NEURL4: variants seen among roughly 807,000 people sequenced by gnomAD.
NEURL4 encodes the protein neuralized-like protein 4.
In NEURL4, 45 loss-of-function variants were observed where a neutral mutation model predicts 148.0. The observed-to-expected ratio is 0.30, with a 90% CI of 0.24 to 0.39. The LOEUF (loss-of-function observed/expected upper bound fraction) is 0.39. Ranked by LOEUF, NEURL4 falls within the 10% of genes least tolerant of loss-of-function variation. The pLI is 1.00. For synonymous variants in NEURL4, 854 were observed against 869.0 expected (o/e 0.98, Z 0.30); for missense variants, 1,776 against 2,144.0 (o/e 0.83, Z 3.39).
intron 28 of NEURL4, 92 bp from the exon 29 acceptor site, chr17:7,316,419 C>T: frequency 9.9e-7 from 1 of 1,014,328 alleles, no homozygotes; most frequent in Non-Finnish European, 1.5e-6. Context: ...CCTTGCTGTA[C>T]CTAGGAAATA....
In NEURL4 at chr17:7,323,931, G is replaced by C. The variant is rs1040359710; in HGVS notation, c.2144C>G (p.Ser715Cys). Residue 715 changes from serine to cysteine, a missense_variant, in exon 12 of 29, where the codon TCT becomes TGT. Coordinates refer to ENST00000399464, the MANE Select transcript of NEURL4 (RefSeq NM_032442.3). ...GTGCAGCTGATGGAAGCGCAGGTCA[G>C]AGCCCCCGGCCCCTGAGGACGGAGA... ...PSSPSSGAGG[S>C]DLRFHQLHGS... is the part of the protein sequence containing the mutation. The C allele has an allele frequency of 6.2e-7, 1 of 1,613,614 alleles. No individual in the cohort carries two copies. Among genetic ancestry groups the C allele is most frequent in the Non-Finnish European group, 8.5e-7 (1 of 1,180,032 alleles).
Position 7,323,670 on chromosome 17 carries a change from C to T in NEURL4, c.2315G>A (p.Arg772His), listed in dbSNP as rs374989269. ...FEIVIQKMVD[R>H]WSGSIEAGVT... ...ACCAGCCTCAATGGAGCCTGACCAG[C>T]GGTCCACCATCTTCTGAATGACAAT... The change falls in exon 13 of 29, where the codon CGC (arginine) becomes CAC (histidine). Residue 772 changes from arginine to histidine, a missense_variant. Coordinates refer to ENST00000399464, the MANE Select transcript of NEURL4 (RefSeq NM_032442.3). The T allele has an allele frequency of 1.1e-5, 17 of 1,613,458 alleles. No individual in the cohort carries two copies. The highest frequency in any genetic ancestry group is 2.2e-5 in the East Asian group (1 of 44,854).
chr17:7,319,294 TC>T, intron 21 of NEURL4, 86 bp from the exon 22 acceptor site: 1 of 1,165,886 alleles, frequency 8.6e-7, no homozygotes, highest in South Asian at 1.7e-5. Flanking sequence ...ATACTGCACC[TC>T]CCAGAATGTG....
Position 7,326,431 on chromosome 17 carries a change from T to C in NEURL4, c.1204+6A>G, listed in dbSNP as rs1381873963. The C allele has an allele frequency of 6.2e-7, 1 of 1,613,896 alleles. No homozygotes were observed. The highest frequency in any genetic ancestry group is 8.5e-7 in the Non-Finnish European group (1 of 1,179,788). Reference sequence around the variant, plus strand: ...CTGCACCCCCGCCCCTGCCCGGGGCTGGTACCTGACTGGAGGTTGGTCATG... The same window carrying C: ...CTGCACCCCCGCCCCTGCCCGGGGCCGGTACCTGACTGGAGGTTGGTCATG... On this transcript the variant is annotated splice_donor_region_variant and intron_variant, in intron 5 of 28. Coordinates refer to ENST00000399464, the MANE Select transcript of NEURL4 (RefSeq NM_032442.3). This position sits in a 1 kb window ranked among gnomAD's most constrained non-coding sequence, Gnocchi z 6.0.
Position 7,322,850 on chromosome 17 carries a change from G to A in NEURL4, c.2610C>T (p.Val870=), listed in dbSNP as rs565659706. Residue 870 remains valine (V), a synonymous_variant, in exon 16 of 29, where the codon GTC becomes GTT. Coordinates refer to ENST00000399464, the MANE Select transcript of NEURL4 (RefSeq NM_032442.3). The surrounding 1 kb of genome is among the most constrained non-coding windows in gnomAD (Gnocchi z 5.5). The stretch of plus-strand genomic sequence containing the variant: ...CTTGGACACACTGGCCATAGAGATC[G>A]ACTACCGCATACACCTCTGGGGAGG... ...LPPGKEVYAV[V]DLYGQCVQVS... is the part of the protein sequence containing the mutation. 21 of 1,613,994 alleles carry A rather than the reference G, an allele frequency of 1.3e-5. No homozygotes were observed. The highest frequency in any genetic ancestry group is 3.3e-5 in the South Asian group (3 of 91,072).
At chr17:7,325,150 GCCCCCC>G in intron 8 of NEURL4, 53 bp downstream of exon 8, 4 of 568,240 alleles carry the variant, frequency 7.0e-6, no homozygotes, top group Non-Finnish European at 1.2e-5. Flanking sequence ...TCCTTGCCCC[GCCCCCC>G]CCCCCCCATT....
At position 7,324,029 on chromosome 17, in the gene NEURL4, C is replaced by T. The variant is rs1328066428; in HGVS notation, c.2063-17G>A. The T allele has an allele frequency of 1.2e-6, 2 of 1,608,726 alleles. No homozygotes were observed. The highest frequency in any genetic ancestry group is 1.7e-6 in the Non-Finnish European group (2 of 1,179,968). On this transcript the variant is annotated splice_polypyrimidine_tract_variant and intron_variant, in intron 11 of 28. Coordinates refer to ENST00000399464, the MANE Select transcript of NEURL4 (RefSeq NM_032442.3). The surrounding 1 kb of genome is among the most constrained non-coding windows in gnomAD (Gnocchi z 5.9). Reference sequence around the variant, plus strand: ...GAGCCACCTCTGTAAAAGTGGACATCACCCATCAGGTCTCTAGGTGTCTCT... The same window carrying T: ...GAGCCACCTCTGTAAAAGTGGACATTACCCATCAGGTCTCTAGGTGTCTCT...
chr17:7,321,291 C>G lies in NEURL4; in HGVS notation c.3199-18G>C, dbSNP rs1176258718. Reference sequence around the variant, plus strand: ...CACACGTTCTGGGAGGCACACAAGACCCAGAAAATCAGAGATCAGCAGAAG... The same window carrying G: ...CACACGTTCTGGGAGGCACACAAGAGCCAGAAAATCAGAGATCAGCAGAAG... On this transcript the variant is annotated intron_variant, in intron 19 of 28. Coordinates refer to ENST00000399464, the MANE Select transcript of NEURL4 (RefSeq NM_032442.3). The surrounding 1 kb of genome is among the most constrained non-coding windows in gnomAD (Gnocchi z 6.3). The G allele has an allele frequency of 6.2e-7, 1 of 1,612,972 alleles. No homozygotes were observed. Among genetic ancestry groups the G allele is most frequent in the Admixed American group, 1.7e-5 (1 of 59,988 alleles).
rs1332978128 is a variant in NEURL4, at chr17:7,324,020, A to G, written c.2063-8T>C. 2.5e-6 allele frequency: 4 copies of G among 1,609,018 alleles called. No individual in the cohort carries two copies. On this transcript the variant is annotated splice_region_variant and splice_polypyrimidine_tract_variant and intron_variant, in intron 11 of 28. Coordinates refer to ENST00000399464, the MANE Select transcript of NEURL4 (RefSeq NM_032442.3). The surrounding 1 kb of genome is among the most constrained non-coding windows in gnomAD (Gnocchi z 5.9). ...CAGGAACTGGAGCCACCTCTGTAAA[A>G]GTGGACATCACCCATCAGGTCTCTA...
chr17:7,320,517 AG>A (rs2073017365), intron 21 of NEURL4, among the ~76,000 whole-genome samples: 1 of 152,112 alleles, frequency 6.6e-6, no homozygotes, highest in South Asian at 2.1e-4. Flanking sequence ...TCCCACATAT[AG>A]GATCAGGCAT....
chr17:7,318,018 G>C lies in NEURL4; in HGVS notation c.4060+47C>G. 6.2e-7 allele frequency: 1 copy of C among 1,613,262 alleles called. No individual in the cohort carries two copies. The highest frequency in any genetic ancestry group is 1.7e-4 in the Middle Eastern group (1 of 6,056). On this transcript the variant is annotated intron_variant, in intron 25 of 28. Transcript: ENST00000399464. The surrounding 1 kb of genome is among the most constrained non-coding windows in gnomAD (Gnocchi z 4.3). ...CTCCAGCTGCTCTCCAAGGCTCTAG[G>C]CCTGGCCCTGGGAATGAAGTCAGTT...
chr17:7,318,063 A>T lies in NEURL4; in HGVS notation c.4060+2T>A. 1 of 1,614,018 alleles carries T rather than the reference A, an allele frequency of 6.2e-7. No homozygotes were observed. Among genetic ancestry groups the T allele is most frequent in the Non-Finnish European group, 8.5e-7 (1 of 1,179,882 alleles). On this transcript the variant is annotated splice_donor_variant, in intron 25 of 28. Coordinates refer to ENST00000399464, the MANE Select transcript of NEURL4 (RefSeq NM_032442.3). LOFTEE classifies it high-confidence loss of function. This position sits in a 1 kb window ranked among gnomAD's most constrained non-coding sequence, Gnocchi z 4.3. ...TCAGTTCTGGCGGACTGTGGGACTC[A>T]CCGGGAAGCAGCAGGAGTTCTTGGA... is the stretch of plus-strand genomic sequence containing the variant.
rs1322515757 is a variant in NEURL4, at chr17:7,319,603, G to A, written c.3526-395C>T. Among the ~76,000 whole-genome samples the A allele has an allele frequency of 5.3e-4, 80 of 150,504 alleles. 1 individual carries two copies. The highest frequency in any genetic ancestry group is 1.5e-4 in the Non-Finnish European group (10 of 67,700). On this transcript the variant is annotated intron_variant, in intron 21 of 28. Transcript: ENST00000399464. The stretch of plus-strand genomic sequence containing the variant: ...TAGTCCCAGCTACTTGGGAGGCTGA[G>A]GCAGAAGAATCGCTTGAACCCGGGA...
rs1024213856 is a variant in NEURL4, at chr17:7,327,834, G to A, written c.333C>T (p.Pro111=). ...SIEIGVTALD[P]SVLDFPSSAT... ...CACTGCTTGGAAAGTCCAGCACACTGGGGTCCAGCGCTGTCACCCCAATCT... is the reference window on the plus strand; with the variant it reads ...CACTGCTTGGAAAGTCCAGCACACTAGGGTCCAGCGCTGTCACCCCAATCT... Residue 111 remains proline, a synonymous_variant, in exon 2 of 29, where the codon CCC becomes CCT. Transcript: ENST00000399464. This position sits in a 1 kb window ranked among gnomAD's most constrained non-coding sequence, Gnocchi z 6.6. 22 of 1,613,478 alleles carry A rather than the reference G, an allele frequency of 1.4e-5. No homozygotes were observed. The highest frequency in any genetic ancestry group is 1.9e-5 in the Non-Finnish European group (22 of 1,179,946).
intron 14 of NEURL4, 32 bp from the exon 15 acceptor site, chr17:7,323,155 T>C (rs376418280): frequency 1.3e-5 from 21 of 1,599,014 alleles, no homozygotes; most frequent in Middle Eastern, 1.7e-4. Flanking sequence ...TGAGTCAGCC[T>C]GCCAACTTCA....
Position 7,316,178 on chromosome 17 carries a change from AC to A in NEURL4, c.4633del (p.Val1545SerfsTer21). The A allele has an allele frequency of 6.2e-7, 1 of 1,602,722 alleles. No individual in the cohort carries two copies. The highest frequency in any genetic ancestry group is 8.5e-7 in the Non-Finnish European group (1 of 1,169,704). On this transcript the variant is annotated frameshift_variant, in exon 29 of 29. Coordinates refer to ENST00000399464, the MANE Select transcript of NEURL4 (RefSeq NM_032442.3). LOFTEE classifies it high-confidence loss of function. ...PHFSPAELEW[V>X]TKEKGATLLC... ...GAGTGTGGCCCCCTTCTCCTTAGTG[AC>A]CCACTCAAGTTCGGCTGGACTGAAG...
At chr17:7,325,150 G>GCCC (rs57003369) in intron 8 of NEURL4, 59 bp downstream of exon 8, 3 of 568,242 alleles carry the variant, frequency 5.3e-6, no homozygotes, top group Non-Finnish European at 6.1e-6. Flanking sequence ...TCCTTGCCCC[G>GCCC]CCCCCCCCCC....
chr17:7,319,724 A>C (rs1210006705), intron 21 of NEURL4, among the ~76,000 whole-genome samples: 1 of 108,016 alleles, frequency 9.3e-6, no homozygotes, highest in African/African-American at 3.1e-5. Context: ...AAACAAAAAA[A>C]CAAAAAAAAA....
Position 7,324,866 on chromosome 17 carries a change from T to G in NEURL4, c.1746A>C (p.Glu582Asp). The change falls in exon 9 of 29, where the codon GAA becomes GAC. Residue 582 changes from glutamate (E) to aspartate (D), a missense_variant. Transcript: ENST00000399464. The surrounding 1 kb of genome is among the most constrained non-coding windows in gnomAD (Gnocchi z 5.9). The part of the protein sequence containing the change: ...KMVDKWAGSI[E>D]IGVTTHNPAY... ...CAGGGTTGTGGGTGGTGACACCAAT[T>G]TCAATGGAGCCAGCCCATTTGTCCA... 1.2e-6 allele frequency: 2 copies of G among 1,614,050 alleles called. No individual in the cohort carries two copies. Among genetic ancestry groups the G allele is most frequent in the Non-Finnish European group, 1.7e-6 (2 of 1,179,998 alleles).
Sources: allele counts gnomAD v4.1 joint callset (sites outside exome capture counted in the v4.1 genomes callset), GRCh38; gene constraint gnomAD v4.1.1; non-coding constraint Gnocchi (gnomAD v3.1); transcripts MANE v1.5; gene names NCBI Gene and HGNC (gene_info 2026-07-23, HGNC 2026-07-21).